Variants in LOC128092252 observed in about 807,000 individuals in gnomAD.
chr15:50,679,882 T>G, the LOC128092252 span, among the ~76,000 whole-genome samples: 2 of 151,996 alleles, frequency 1.3e-5, no homozygotes, highest in African/African-American at 4.8e-5. Context: ...AGAAATCTAT[T>G]TAATGACTTT....
chr15:50,673,874 T>C, the LOC128092252 span, among the ~76,000 whole-genome samples: 1 of 152,218 alleles, frequency 6.6e-6, no homozygotes, highest in African/African-American at 2.4e-5. Flanking sequence ...TTTACATTCC[T>C]ACCAGCAGTG....
At chr15:50,662,326 C>CAA in the LOC128092252 span, among the ~76,000 whole-genome samples, 291 of 124,682 alleles carry the variant, frequency 2.3e-3, 3 homozygotes, top group South Asian at 8.0e-3. Context: ...GACTCTGTTC[C>CAA]AAAAAAAAAA....
At chr15:50,685,096 A>G in the LOC128092252 span, among the ~76,000 whole-genome samples, 1 of 152,252 alleles carries the variant, frequency 6.6e-6, no homozygotes, top group Non-Finnish European at 1.5e-5. Context: ...TAAAATTCAC[A>G]TGGTTGAAGC....
chr15:50,685,755 C>A, the LOC128092252 span, among the ~76,000 whole-genome samples: 1 of 152,112 alleles, frequency 6.6e-6, no homozygotes, highest in Admixed American at 6.6e-5. Flanking sequence ...ATAAAAAGCT[C>A]TATCGGAAGC....
the LOC128092252 span, among the ~76,000 whole-genome samples, chr15:50,673,291 G>A: frequency 2.0e-5 from 3 of 151,964 alleles, no homozygotes; most frequent in Admixed American, 1.3e-4. Context: ...ATTTCCATAG[G>A]TTATTGGAAA....
the LOC128092252 span, among the ~76,000 whole-genome samples, chr15:50,652,742 C>G: frequency 6.6e-6 from 1 of 151,890 alleles, no homozygotes; most frequent in Non-Finnish European, 1.5e-5. Context: ...AAAACCAGCC[C>G]GTAATTCCAG....
At chr15:50,669,179 C>T in the LOC128092252 span, among the ~76,000 whole-genome samples, 7 of 152,192 alleles carry the variant, frequency 4.6e-5, no homozygotes, top group East Asian at 7.7e-4. Context: ...TGGTGGCTCA[C>T]GCCTGTAATC....
chr15:50,686,607 G>A, the LOC128092252 span: 34 of 1,582,454 alleles, frequency 2.1e-5, no homozygotes, highest in Admixed American at 9.2e-5. Context: ...GCCATCTATC[G>A]GGAAGCGTCT....
the LOC128092252 span, chr15:50,657,912 A>G: frequency 1.1e-6 from 1 of 898,396 alleles, no homozygotes; most frequent in Admixed American, 2.5e-5. Flanking sequence ...AACAAAAAAA[A>G]TTATATACCT....
the LOC128092252 span, among the ~76,000 whole-genome samples, chr15:50,684,887 C>G: frequency 1.3e-5 from 2 of 152,098 alleles, no homozygotes; most frequent in Non-Finnish European, 2.9e-5. Flanking sequence ...AATCAACTGA[C>G]TAAAACATGA....
chr15:50,662,608 T>C, the LOC128092252 span, among the ~76,000 whole-genome samples: 2 of 152,186 alleles, frequency 1.3e-5, no homozygotes, highest in Non-Finnish European at 2.9e-5. Context: ...ACCCAGTAGA[T>C]GCCCAATAGA....
chr15:50,676,036 C>A, the LOC128092252 span, among the ~76,000 whole-genome samples: 2 of 152,168 alleles, frequency 1.3e-5, no homozygotes, highest in South Asian at 4.1e-4. Flanking sequence ...CAAAATGATC[C>A]ATGTAAGTTG....
At chr15:50,669,100 CA>C in the LOC128092252 span, among the ~76,000 whole-genome samples, 1 of 152,070 alleles carries the variant, frequency 6.6e-6, no homozygotes, top group Non-Finnish European at 1.5e-5. Flanking sequence ...GAAATTTACC[CA>C]ATACATAAAG....
At chr15:50,663,447 T>C in the LOC128092252 span, among the ~76,000 whole-genome samples, 86 of 152,204 alleles carry the variant, frequency 5.7e-4, 1 homozygote, top group Non-Finnish European at 1.1e-3. Context: ...CTATACTACA[T>C]AATTTTTTAT....
chr15:50,678,352 A>G, the LOC128092252 span, among the ~76,000 whole-genome samples: 2 of 151,684 alleles, frequency 1.3e-5, no homozygotes, highest in Non-Finnish European at 2.9e-5. Flanking sequence ...AGGGTGACCA[A>G]CATGCCTGCC....
chr15:50,664,159 G>A, the LOC128092252 span, among the ~76,000 whole-genome samples: 1 of 151,842 alleles, frequency 6.6e-6, no homozygotes, highest in South Asian at 2.1e-4. Context: ...TTAGCTGGGT[G>A]TGGTGGCGTG....
At chr15:50,679,647 T>C in the LOC128092252 span, among the ~76,000 whole-genome samples, 1 of 149,572 alleles carries the variant, frequency 6.7e-6, no homozygotes, top group Non-Finnish European at 1.5e-5. Context: ...CCAATTCTCA[T>C]GCCCCAGTCT....
chr15:50,678,506 TAA>T, the LOC128092252 span, among the ~76,000 whole-genome samples: 30,608 of 127,658 alleles, frequency 0.24, 3,582 homozygotes, highest in East Asian at 0.36. Flanking sequence ...TTCCATTCTT[TAA>T]AAAAAAAAAA....
the LOC128092252 span, among the ~76,000 whole-genome samples, chr15:50,672,627 T>C: frequency 2.0e-5 from 3 of 151,926 alleles, no homozygotes; most frequent in East Asian, 1.9e-4. Context: ...TAGAAAAAAG[T>C]AGCCAGGTGC....
Sources: allele counts gnomAD v4.1 joint callset (sites outside exome capture counted in the v4.1 genomes callset), GRCh38; gene constraint gnomAD v4.1.1; transcripts MANE v1.5.